KLHL3: variants seen among roughly 807,000 people sequenced by gnomAD.
KLHL3 encodes kelch-like protein 3.
KLHL3 carries 19 observed loss-of-function variants against 70.5 expected under a neutral mutation model. The ratio of observed to expected loss-of-function variants is 0.27; its 90% CI spans 0.19 to 0.40. The LOEUF is 0.40. Ranked by LOEUF, KLHL3 falls within the 10% of genes least tolerant of loss-of-function variation. KLHL3 has a pLI of 1.00. For missense variants in KLHL3, 512 were observed against 771.1 expected, an observed-to-expected ratio of 0.66 and a Z score of 3.98; for synonymous variants, 258 against 290.3, an observed-to-expected ratio of 0.89 and a Z score of 1.13.
chr5:137,618,017 C>T lies in KLHL3; in HGVS notation c.*4081G>A, dbSNP rs899705799. On this transcript the variant is annotated 3_prime_UTR_variant, in exon 15 of 15. Coordinates refer to ENST00000309755, the MANE Select transcript of KLHL3 (RefSeq NM_017415.3). The stretch of plus-strand genomic sequence containing the variant: ...ATCCATGAGTCACTGAGTCCCATGA[C>T]GAAGGCTGCACAGGGGCTATGAGGC... 2.0e-5 allele frequency: 3 copies of T among 152,582 alleles called. No homozygotes were observed. Among genetic ancestry groups the T allele is most frequent in the Non-Finnish European group, 4.4e-5 (3 of 68,052 alleles). 9.5% of individuals were successfully genotyped at this position (152,582 alleles called of 1,614,324 possible).
In KLHL3 at chr5:137,729,390, G is replaced by A. The variant is rs114727729; in HGVS notation, c.14+6243C>T. Among the ~76,000 whole-genome samples the A allele has an allele frequency of 2.9e-3, 437 of 152,320 alleles. 1 individual carries two copies. Among genetic ancestry groups the A allele is most frequent in the African/African-American group, 0.01 (424 of 41,570 alleles). On this transcript the variant is annotated intron_variant, in intron 1 of 14. Transcript: ENST00000309755. Reference sequence around the variant, plus strand: ...CCCATCACACTCTGTCTAGGAAAGTGATTTAATCATCAGATATCGTCAGCT... The same window carrying A: ...CCCATCACACTCTGTCTAGGAAAGTAATTTAATCATCAGATATCGTCAGCT...
chr5:137,713,153 CAAAAAAAAAAAAA>C (rs958291877), intron 2 of KLHL3, among the ~76,000 whole-genome samples: 6 of 38,474 alleles, frequency 1.6e-4, no homozygotes, highest in African/African-American at 5.2e-4. Context: ...GAATAACCAG[CAAAAAAAAAAAAA>C]AAAAAAAAAA....
At chr5:137,643,684 AG>A (rs770891975) in intron 8 of KLHL3, among the ~76,000 whole-genome samples, 127 of 152,338 alleles carry the variant, frequency 8.3e-4, no homozygotes, top group Non-Finnish European at 1.2e-3. Flanking sequence ...TGATCAAATC[AG>A]GGTAATCAGC....
At position 137,622,055 on chromosome 5, in the gene KLHL3, A is replaced by AGCACCT; in HGVS notation, c.*37_*42dup. On this transcript the variant is annotated 3_prime_UTR_variant, in exon 15 of 15. Coordinates refer to ENST00000309755, the MANE Select transcript of KLHL3 (RefSeq NM_017415.3). ...GGTCCTGCTGTTCAGAGTCACAGGCAGCACCTGCTCCTTCCTCCACCTCCT... is the reference window on the plus strand; with the variant it reads ...GGTCCTGCTGTTCAGAGTCACAGGCAGCACCTGCACCTGCTCCTTCCTCCACCTCCT... 1 of 1,611,572 alleles carries AGCACCT rather than the reference A, an allele frequency of 6.2e-7. No homozygotes were observed. Among genetic ancestry groups the AGCACCT allele is most frequent in the Non-Finnish European group, 8.5e-7 (1 of 1,177,616 alleles).
At chr5:137,735,568 C>A in intron 1 of KLHL3, 65 bp downstream of exon 1, 1 of 1,281,524 alleles carries the variant, frequency 7.8e-7, no homozygotes. Context: ...AAGCTGGTGG[C>A]TGCACCGCAA....
At chr5:137,660,498 G>T (rs1028847165) in intron 7 of KLHL3, among the ~76,000 whole-genome samples, 6 of 152,146 alleles carry the variant, frequency 3.9e-5, no homozygotes, top group Non-Finnish European at 4.4e-5. Flanking sequence ...CTTTTCTACA[G>T]GAAAGATATG....
intron 6 of KLHL3, among the ~76,000 whole-genome samples, chr5:137,668,666 G>C (rs552308885): frequency 2.6e-5 from 4 of 152,148 alleles, no homozygotes; most frequent in Non-Finnish European, 4.4e-5. Context: ...AGCTTAACAA[G>C]ACTTGTGTTA....
At chr5:137,735,580 C>T in intron 1 of KLHL3, 53 bp downstream of exon 1, 1 of 1,404,276 alleles carries the variant, frequency 7.1e-7, no homozygotes, top group Non-Finnish European at 1.0e-6. Context: ...GCACCGCAAG[C>T]ACACATACAC....
intron 11 of KLHL3, among the ~76,000 whole-genome samples, chr5:137,635,393 T>C (rs1033363462): frequency 1.3e-5 from 2 of 152,186 alleles, no homozygotes; most frequent in African/African-American, 4.8e-5. Context: ...ACTTGCATGG[T>C]ATGTGCTGGT....
At chr5:137,631,646 G>C (rs1023775444) in intron 12 of KLHL3, among the ~76,000 whole-genome samples, 2 of 152,176 alleles carry the variant, frequency 1.3e-5, no homozygotes, top group African/African-American at 4.8e-5. Flanking sequence ...ACCACTGGCA[G>C]ACCTCCTTTC....
At position 137,727,662 on chromosome 5, in the gene KLHL3, C is replaced by T. The variant is rs575363122; in HGVS notation, c.15-7078G>A. ...CCCGTGTCTAGCTAGTTCCTACCAG[C>T]CTTCAAGCCTCTTCCCTGAAGCCTT... On this transcript the variant is annotated intron_variant, in intron 1 of 14. Coordinates refer to ENST00000309755, the MANE Select transcript of KLHL3 (RefSeq NM_017415.3). Among the ~76,000 whole-genome samples the T allele has an allele frequency of 2.0e-5, 3 of 152,296 alleles. No individual in the cohort carries two copies. The East Asian group carries it at 5.8e-4, about 29-fold the overall frequency.
intron 1 of KLHL3, chr5:137,725,175 C>T (rs1032735511): frequency 2.1e-5 from 8 of 372,156 alleles, no homozygotes; most frequent in African/African-American, 1.8e-4. Context: ...GATCCCCTCT[C>T]CTCGCCTGTG....
rs745922087 is a variant in KLHL3 at position 137,625,771 on chromosome 5, T to C, written c.1717A>G (p.Thr573Ala). The C allele has an allele frequency of 4.3e-6, 7 of 1,614,182 alleles. No homozygotes were observed. In the South Asian group the frequency reaches 6.6e-5, roughly 15 times the overall value. Residue 573 changes from threonine (T) to alanine (A), a missense_variant, in exon 14 of 15, where the codon ACG becomes GCG. Thr to Ala is a moderately conservative substitution (Grantham distance 58). Transcript: ENST00000309755. ...KWTLLPTNMS[T>A]GRSYAGVAVI... ...CACTGACCTGCATAGCTCCGCCCCG[T>C]GCTCATGTTCGTTGGAAGCAGCGTC...
intron 4 of KLHL3, among the ~76,000 whole-genome samples, chr5:137,692,882 G>C (rs1337717005): frequency 6.7e-6 from 1 of 149,888 alleles, no homozygotes; most frequent in Non-Finnish European, 1.5e-5. Context: ...CTGCACACTG[G>C]TATTACCTTA....
At chr5:137,712,933 T>A (rs1032571321) in intron 2 of KLHL3, among the ~76,000 whole-genome samples, 4 of 152,232 alleles carry the variant, frequency 2.6e-5, no homozygotes, top group East Asian at 1.9e-4. Flanking sequence ...AAAAAAATTT[T>A]AAAAAAATGG....
chr5:137,640,628 C>G (rs6882186), intron 8 of KLHL3, among the ~76,000 whole-genome samples: 53,857 of 151,902 alleles, frequency 0.35, 10,265 homozygotes, highest in East Asian at 0.53. Flanking sequence ...TGACAGATAG[C>G]AAAGTAAAGC....
In KLHL3 at chr5:137,621,811, T is replaced by G; in HGVS notation, c.*287A>C. The G allele has an allele frequency of 2.0e-6, 1 of 507,406 alleles. No individual in the cohort carries two copies. The highest frequency in any genetic ancestry group is 3.6e-6 in the Non-Finnish European group (1 of 281,620). 31.4% of individuals were successfully genotyped at this position (507,406 alleles called of 1,614,324 possible). A position where few individuals can be genotyped will look rare whatever the true frequency, so the allele number is the denominator to read the frequency against. Reference sequence around the variant, plus strand: ...ACACACACACACACACACTCCAGGGTCTGTATTGTCCCTGTAGAAACACCA... The same window carrying G: ...ACACACACACACACACACTCCAGGGGCTGTATTGTCCCTGTAGAAACACCA... On this transcript the variant is annotated 3_prime_UTR_variant, in exon 15 of 15. Transcript: ENST00000309755.
chr5:137,627,756 A>G (rs566543212), intron 13 of KLHL3, among the ~76,000 whole-genome samples: 2 of 152,342 alleles, frequency 1.3e-5, no homozygotes, highest in Non-Finnish European at 2.9e-5. Context: ...TCTTTCCTAC[A>G]GGAAGGCATA....
chr5:137,652,918 T>C (rs1751240815), intron 8 of KLHL3, among the ~76,000 whole-genome samples: 1 of 152,138 alleles, frequency 6.6e-6, no homozygotes, highest in Non-Finnish European at 1.5e-5. Flanking sequence ...ATGTTGTACA[T>C]GATAAATGCA....
Sources: gnomAD v4.1 joint callset for allele counts (sites outside exome capture counted in the v4.1 genomes callset) on GRCh38, gnomAD v4.1.1 for gene constraint, MANE v1.5 for transcripts, NCBI Gene and HGNC (gene_info 2026-07-23, HGNC 2026-07-21) for gene names.